The following JAKMIP3 variants were observed in gnomAD, a reference collection of about 807,000 sequenced individuals.
JAKMIP3 encodes the protein Janus kinase and microtubule interacting protein 3, also known as janus kinase and microtubule-interacting protein 3.
In JAKMIP3, 58 loss-of-function variants were observed where a neutral mutation model predicts 118.5. That is an observed-to-expected ratio of 0.49 (90% CI 0.40 to 0.61). JAKMIP3 has a LOEUF of 0.61. Among genes scored for constraint, JAKMIP3 ranks in the 20% least tolerant of loss-of-function variants. The probability of loss-of-function intolerance (pLI) is 0.00; values close to 1 mark genes in which losing one functional copy is unlikely to be tolerated. For synonymous variants in JAKMIP3, 486 were observed against 451.2 expected, an observed-to-expected ratio of 1.08 and a Z score of -0.98; for missense variants, 950 against 1,109.0, an observed-to-expected ratio of 0.86 and a Z score of 2.04.
intron 21 of JAKMIP3, among the ~76,000 whole-genome samples, chr10:132,165,206 G>A (rs1174268271): frequency 6.6e-6 from 1 of 152,226 alleles, no homozygotes; most frequent in Non-Finnish European, 1.5e-5. Flanking sequence ...GGCTGGGGAG[G>A]GCTGTCTGGC....
chr10:132,178,997 C>T (rs558591054), intron 23 of JAKMIP3, among the ~76,000 whole-genome samples: 8 of 152,240 alleles, frequency 5.3e-5, no homozygotes, highest in South Asian at 2.1e-4. Flanking sequence ...CAGCTTTTAG[C>T]GAGGTTCTGG....
rs2037843269 is a variant in JAKMIP3, at chr10:132,044,230, A to G, written c.-138+7492A>G. ...CCACAGCTCCTGCTCCAGTGCCCTT[A>G]GCAAACATTTCCTAGACACGTCTCC... On this transcript the variant is annotated intron_variant, in intron 1 of 23. Transcript: ENST00000657785. The surrounding 1 kb of genome is among the most constrained non-coding windows in gnomAD (Gnocchi z 5.3). 6.6e-6 allele frequency among the ~76,000 whole-genome samples: 1 copy of G among 152,156 alleles called. No homozygotes were observed. The highest frequency in any genetic ancestry group is 6.5e-5 in the Admixed American group (1 of 15,286).
chr10:132,131,193 G>C (rs549092126), intron 3 of JAKMIP3, among the ~76,000 whole-genome samples: 2 of 151,590 alleles, frequency 1.3e-5, no homozygotes, highest in East Asian at 2.0e-4. Flanking sequence ...GGGAGTATGG[G>C]GGCGTTGTGG....
chr10:132,085,751 G>A (rs570334439), intron 1 of JAKMIP3, among the ~76,000 whole-genome samples: 3 of 152,178 alleles, frequency 2.0e-5, no homozygotes, highest in East Asian at 1.9e-4. Context: ...CACCCACCTC[G>A]GCCTCCCAAA....
intron 3 of JAKMIP3, among the ~76,000 whole-genome samples, chr10:132,126,158 C>T (rs886537668): frequency 6.6e-6 from 1 of 152,138 alleles, no homozygotes; most frequent in Admixed American, 6.5e-5. Flanking sequence ...TAACTTTGAA[C>T]AGAGAAGTGT....
chr10:132,180,550 C>CGTGTGTGT (rs1158667097), intron 23 of JAKMIP3, among the ~76,000 whole-genome samples: 1 of 6,356 alleles, frequency 1.6e-4, no homozygotes, highest in Non-Finnish European at 2.9e-4. Context: ...TGTGTGCGTG[C>CGTGTGTGT]GTGCATGCGT....
intron 3 of JAKMIP3, among the ~76,000 whole-genome samples, chr10:132,119,462 G>A (rs1418473383): frequency 1.3e-5 from 2 of 152,124 alleles, no homozygotes; most frequent in African/African-American, 2.4e-5. Context: ...ACTTATGTCT[G>A]TAGCAGCCCT....
intron 2 of JAKMIP3, among the ~76,000 whole-genome samples, chr10:132,108,425 ATTC>A (rs1490278958): frequency 1.3e-5 from 2 of 152,080 alleles, no homozygotes; most frequent in African/African-American, 4.8e-5. Flanking sequence ...GAAAATAATT[ATTC>A]TTCATCTCCT....
chr10:132,172,990 T>TCTCC (rs749010160), intron 23 of JAKMIP3, among the ~76,000 whole-genome samples: 1 of 32,658 alleles, frequency 3.1e-5, no homozygotes, highest in Non-Finnish European at 7.6e-5. Flanking sequence ...CCTCTCTCTC[T>TCTCC]CTCTCCTTCC....
chr10:132,059,255 G>A (rs558273453), intron 1 of JAKMIP3, among the ~76,000 whole-genome samples: 18 of 152,316 alleles, frequency 1.2e-4, no homozygotes, highest in South Asian at 2.1e-4. Flanking sequence ...TGCCATGTCC[G>A]CCATGGGGCA....
intron 23 of JAKMIP3, among the ~76,000 whole-genome samples, chr10:132,169,688 T>C (rs1024388290): frequency 6.6e-6 from 1 of 152,106 alleles, no homozygotes; most frequent in African/African-American, 2.4e-5. Flanking sequence ...ACCCACACCG[T>C]GTCTGAGAGC....
At chr10:132,120,817 A>C (rs2048420613) in intron 3 of JAKMIP3, among the ~76,000 whole-genome samples, 1 of 152,236 alleles carries the variant, frequency 6.6e-6, no homozygotes, top group Non-Finnish European at 1.5e-5. Context: ...CCCGGCCTCT[A>C]AAATCCCGTG....
intron 1 of JAKMIP3, among the ~76,000 whole-genome samples, chr10:132,103,928 C>T (rs897811303): frequency 6.6e-6 from 1 of 152,186 alleles, no homozygotes; most frequent in African/African-American, 2.4e-5. Flanking sequence ...CTACTTAGTT[C>T]CTGGGTTTGC....
chr10:132,165,440 C>T (rs1463444470), intron 21 of JAKMIP3, among the ~76,000 whole-genome samples: 4 of 152,156 alleles, frequency 2.6e-5, no homozygotes, highest in African/African-American at 4.8e-5. Context: ...CCTGGGGGCC[C>T]GGCTCCCGAC....
intron 11 of JAKMIP3, 51 bp from the exon 12 acceptor site, chr10:132,145,056 C>T: frequency 6.7e-7 from 1 of 1,497,126 alleles, no homozygotes. Flanking sequence ...TGTGTGCTGT[C>T]TGTCCCAGCT....
intron 3 of JAKMIP3, among the ~76,000 whole-genome samples, chr10:132,124,705 G>A (rs1346767944): frequency 6.6e-6 from 1 of 152,246 alleles, no homozygotes; most frequent in Non-Finnish European, 1.5e-5. Context: ...CATCATACGA[G>A]CACCTATCAC....
chr10:132,115,091 C>T (rs2135275164), intron 2 of JAKMIP3, among the ~76,000 whole-genome samples: 1 of 152,338 alleles, frequency 6.6e-6, no homozygotes, highest in South Asian at 2.1e-4. Context: ...GGCTCCGATT[C>T]CATAGACACT....
chr10:132,103,007 T>C (rs2134832395), intron 1 of JAKMIP3, among the ~76,000 whole-genome samples: 1 of 130,260 alleles, frequency 7.7e-6, no homozygotes, highest in Non-Finnish European at 1.7e-5. Context: ...GGGCGTGGGG[T>C]GGGCCTGTGT....
intron 1 of JAKMIP3, among the ~76,000 whole-genome samples, chr10:132,104,316 A>G (rs938293250): frequency 1.3e-5 from 2 of 152,134 alleles, no homozygotes; most frequent in Non-Finnish European, 2.9e-5. Context: ...TATATGTGCC[A>G]TTGCCGCCAT....
Sources: allele counts gnomAD v4.1 joint callset (sites outside exome capture counted in the v4.1 genomes callset), GRCh38; gene constraint gnomAD v4.1.1; non-coding constraint Gnocchi (gnomAD v3.1); transcripts MANE v1.5; gene names NCBI Gene and HGNC (gene_info 2026-07-23, HGNC 2026-07-21).